KLHL32: variants seen among roughly 807,000 people sequenced by gnomAD.
KLHL32 encodes kelch-like protein 32.
In KLHL32, 35 loss-of-function variants were observed where a neutral mutation model predicts 64.8. The observed-to-expected ratio is 0.54, with a 90% CI of 0.41 to 0.72. The LOEUF (loss-of-function observed/expected upper bound fraction) is 0.72. KLHL32 is among the 30% of genes least tolerant of loss of function. The pLI is 0.00. For synonymous variants in KLHL32, 259 were observed against 281.0 expected (o/e 0.92, Z 0.78); for missense variants, 589 against 768.5 (o/e 0.77, Z 2.76).
intron 2 of KLHL32, among the ~76,000 whole-genome samples, chr6:96,968,879 T>TAG (rs777359100): frequency 6.6e-6 from 1 of 152,128 alleles, no homozygotes; most frequent in Non-Finnish European, 1.5e-5. Context: ...CAAGGATGGG[T>TAG]AGAGAGAGTG....
intron 7 of KLHL32, among the ~76,000 whole-genome samples, chr6:97,126,674 T>A (rs1226988557): frequency 6.6e-6 from 1 of 152,170 alleles, no homozygotes. Flanking sequence ...TAATCTGTAC[T>A]GAGATGCGTT....
At chr6:97,085,713 G>T (rs10485379) in intron 6 of KLHL32, among the ~76,000 whole-genome samples, 14,105 of 152,218 alleles carry the variant, frequency 0.093, 735 homozygotes, top group Middle Eastern at 0.16. Flanking sequence ...TTAAGACCAG[G>T]AGAATCAGAG....
At chr6:96,929,676 C>T (rs1167193247) in intron 1 of KLHL32, among the ~76,000 whole-genome samples, 2 of 152,120 alleles carry the variant, frequency 1.3e-5, no homozygotes, top group East Asian at 1.9e-4. Flanking sequence ...CTTCATATTT[C>T]TTTTGTTCTT....
At chr6:97,007,756 C>G (rs1439393610) in intron 3 of KLHL32, among the ~76,000 whole-genome samples, 1 of 152,118 alleles carries the variant, frequency 6.6e-6, no homozygotes, top group East Asian at 1.9e-4. Flanking sequence ...GAGGCCAAGG[C>G]TCAGCTCAGC....
At chr6:96,936,058 C>T (rs1770558496) in intron 1 of KLHL32, among the ~76,000 whole-genome samples, 1 of 152,196 alleles carries the variant, frequency 6.6e-6, no homozygotes, top group African/African-American at 2.4e-5. Context: ...TCAGGAGTGA[C>T]TGACTGCCTT....
intron 4 of KLHL32, among the ~76,000 whole-genome samples, chr6:97,052,266 G>A (rs1225242574): frequency 6.6e-6 from 1 of 152,218 alleles, no homozygotes; most frequent in Non-Finnish European, 1.5e-5. Context: ...ACATGCAGAT[G>A]CAGACTGGTG....
At chr6:96,912,991 T>C in the KLHL32 span, among the ~76,000 whole-genome samples, 10 of 152,292 alleles carry the variant, frequency 6.6e-5, 1 homozygote, top group African/African-American at 2.4e-4. Context: ...AATTTTTTGT[T>C]GTCTGAATGA....
At chr6:97,127,502 G>A in intron 8 of KLHL32, 40 bp downstream of exon 8, 2 of 1,511,880 alleles carry the variant, frequency 1.3e-6, no homozygotes, top group Non-Finnish European at 1.8e-6. Context: ...CTTAATTAAT[G>A]AATTTTAAAA....
intron 6 of KLHL32, among the ~76,000 whole-genome samples, chr6:97,095,240 T>C (rs1327297471): frequency 1.3e-5 from 2 of 152,238 alleles, no homozygotes; most frequent in Non-Finnish European, 2.9e-5. Context: ...TTGGACCTGC[T>C]GAGGACTGTA....
At chr6:96,909,795 G>A in the KLHL32 span, among the ~76,000 whole-genome samples, 1 of 152,220 alleles carries the variant, frequency 6.6e-6, no homozygotes, top group Non-Finnish European at 1.5e-5. Context: ...GAAAGCATGT[G>A]TCTTTTTGTG....
At chr6:96,991,623 G>A (rs1382554994) in intron 3 of KLHL32, among the ~76,000 whole-genome samples, 1 of 152,020 alleles carries the variant, frequency 6.6e-6, no homozygotes, top group Non-Finnish European at 1.5e-5. Context: ...GTGGGGACCT[G>A]TGTGGAAAAC....
At chr6:97,041,089 AG>A (rs755032526) in intron 3 of KLHL32, among the ~76,000 whole-genome samples, 2 of 152,190 alleles carry the variant, frequency 1.3e-5, no homozygotes, top group Non-Finnish European at 2.9e-5. Context: ...CATTGGACTG[AG>A]GCAGAAAAAA....
chr6:96,973,150 T>G (rs1775291960), intron 2 of KLHL32, among the ~76,000 whole-genome samples: 1 of 152,224 alleles, frequency 6.6e-6, no homozygotes, highest in South Asian at 2.1e-4. Context: ...GTTGTTTTCT[T>G]GAAGCTTGAA....
At chr6:97,006,072 T>TG (rs1398204154) in intron 3 of KLHL32, among the ~76,000 whole-genome samples, 1 of 150,156 alleles carries the variant, frequency 6.7e-6, no homozygotes, top group Non-Finnish European at 1.5e-5. Context: ...CTTTGTTAGT[T>TG]TTTTCCCTCA....
chr6:96,944,620 TG>T (rs1307064432), intron 1 of KLHL32, among the ~76,000 whole-genome samples: 1 of 152,180 alleles, frequency 6.6e-6, no homozygotes, highest in Non-Finnish European at 1.5e-5. Flanking sequence ...AAAAGTATTG[TG>T]GGGGATGTAG....
At chr6:97,046,289 T>C (rs887319935) in intron 4 of KLHL32, among the ~76,000 whole-genome samples, 13 of 152,342 alleles carry the variant, frequency 8.5e-5, no homozygotes, top group Admixed American at 7.8e-4. Flanking sequence ...GGAAATGCAG[T>C]GAATTGACTA....
intron 1 of KLHL32, among the ~76,000 whole-genome samples, chr6:96,958,983 A>G (rs536507456): frequency 5.4e-4 from 82 of 152,256 alleles, no homozygotes; most frequent in African/African-American, 1.9e-3. Context: ...CCCCCACAGT[A>G]CTTATGAAAG....
intron 3 of KLHL32, among the ~76,000 whole-genome samples, chr6:97,035,828 T>G (rs1391294385): frequency 6.6e-6 from 1 of 152,128 alleles, no homozygotes; most frequent in African/African-American, 2.4e-5. Flanking sequence ...GTATTCAACT[T>G]ATTTAGGATT....
At chr6:96,948,691 G>T (rs1582441258) in intron 1 of KLHL32, among the ~76,000 whole-genome samples, 1 of 152,164 alleles carries the variant, frequency 6.6e-6, no homozygotes, top group South Asian at 2.1e-4. Flanking sequence ...CATAGATTTT[G>T]TGCATTAGGA....
Sources: allele counts gnomAD v4.1 joint callset (sites outside exome capture counted in the v4.1 genomes callset), GRCh38; gene constraint gnomAD v4.1.1; transcripts MANE v1.5; gene names NCBI Gene and HGNC (gene_info 2026-07-23, HGNC 2026-07-21).